BRINP3: variants seen among roughly 807,000 people sequenced by gnomAD.
The protein encoded by BRINP3 is BMP/retinoic acid inducible neural specific 3, also known as BMP/retinoic acid-inducible neural-specific protein 3.
Under a neutral mutation model 71.0 loss-of-function variants are expected in BRINP3, and 19 were observed. The ratio of observed to expected loss-of-function variants is 0.27; its 90% CI spans 0.19 to 0.39. The LOEUF is 0.39. BRINP3 is among the 10% of genes least tolerant of loss of function. BRINP3 has a pLI of 1.00. For missense variants in BRINP3, 959 were observed against 940.8 expected (o/e 1.02, Z -0.25); for synonymous variants, 380 against 337.7 (o/e 1.13, Z -1.37).
At chr1:190,117,436 A>G (rs1460235545) in intron 7 of BRINP3, among the ~76,000 whole-genome samples, 1 of 152,014 alleles carries the variant, frequency 6.6e-6, no homozygotes, top group Non-Finnish European at 1.5e-5. Context: ...AAACATACAC[A>G]AACAGTAGAG....
intron 2 of BRINP3, among the ~76,000 whole-genome samples, chr1:190,319,074 G>A (rs1054245699): frequency 2.0e-5 from 3 of 152,132 alleles, no homozygotes; most frequent in East Asian, 3.9e-4. Flanking sequence ...CTCAGACCTG[G>A]TTGTGCTTAT....
At chr1:190,244,337 C>T (rs1659382865) in intron 4 of BRINP3, among the ~76,000 whole-genome samples, 1 of 152,052 alleles carries the variant, frequency 6.6e-6, no homozygotes. Flanking sequence ...ATTCCTACTT[C>T]CTACTCTATA....
intron 7 of BRINP3, among the ~76,000 whole-genome samples, chr1:190,106,442 C>T (rs1378332302): frequency 6.6e-6 from 1 of 151,496 alleles, no homozygotes; most frequent in Non-Finnish European, 1.5e-5. Flanking sequence ...AAAATCTAAA[C>T]AATAAATTTT....
chr1:190,291,357 G>A (rs1418631219), intron 2 of BRINP3, among the ~76,000 whole-genome samples: 1 of 152,026 alleles, frequency 6.6e-6, no homozygotes, highest in East Asian at 1.9e-4. Context: ...AAAGTTAAAA[G>A]CTTCCAAACA....
At chr1:190,415,049 A>C (rs1216718127) in intron 2 of BRINP3, among the ~76,000 whole-genome samples, 1 of 152,212 alleles carries the variant, frequency 6.6e-6, no homozygotes, top group African/African-American at 2.4e-5. Flanking sequence ...ATTTATATAC[A>C]TAAATTGCAG....
intron 2 of BRINP3, among the ~76,000 whole-genome samples, chr1:190,443,894 A>G (rs780060298): frequency 6.6e-6 from 1 of 152,160 alleles, no homozygotes; most frequent in Non-Finnish European, 1.5e-5. Context: ...CATTCTTTCT[A>G]TAAACAGACC....
At position 190,222,302 on chromosome 1, in the gene BRINP3, C is replaced by T. The variant is rs565622985; in HGVS notation, c.961+3780G>A. On this transcript the variant is annotated intron_variant, in intron 6 of 7. Coordinates refer to ENST00000367462, the MANE Select transcript of BRINP3 (RefSeq NM_199051.3). ...CACAAACACATAGAAATAAAACATC[C>T]TACTGGACAGCTAATGAGTCAATTA... Among the ~76,000 whole-genome samples, 3 of 151,350 alleles carry T rather than the reference C, an allele frequency of 2.0e-5. 1 individual carries two copies. The highest frequency in any genetic ancestry group is 7.3e-5 in the African/African-American group (3 of 41,324).
At chr1:190,410,631 A>G (rs867703476) in intron 2 of BRINP3, among the ~76,000 whole-genome samples, 28 of 152,214 alleles carry the variant, frequency 1.8e-4, no homozygotes, top group African/African-American at 6.7e-4. Flanking sequence ...CAGGAACAAC[A>G]CATAGAATAA....
At chr1:190,365,882 T>A (rs1669468996) in intron 2 of BRINP3, among the ~76,000 whole-genome samples, 1 of 147,334 alleles carries the variant, frequency 6.8e-6, no homozygotes, top group Admixed American at 6.9e-5. Context: ...ATTTGAGAGA[T>A]AAGAAAAAAT....
chr1:190,383,807 T>A (rs751199405), intron 2 of BRINP3, among the ~76,000 whole-genome samples: 2 of 152,028 alleles, frequency 1.3e-5, no homozygotes, highest in Non-Finnish European at 2.9e-5. Flanking sequence ...ATATTAAATA[T>A]CATTGATAAT....
chr1:190,381,107 T>C (rs1357100297), intron 2 of BRINP3, among the ~76,000 whole-genome samples: 1 of 152,212 alleles, frequency 6.6e-6, no homozygotes, highest in Non-Finnish European at 1.5e-5. Flanking sequence ...GCCTCATCTC[T>C]CCCTATACCC....
intron 6 of BRINP3, among the ~76,000 whole-genome samples, chr1:190,187,618 C>G (rs1375462459): frequency 1.3e-5 from 2 of 152,116 alleles, no homozygotes; most frequent in African/African-American, 4.8e-5. Context: ...TTTCCCAACA[C>G]TATTTATTGA....
intron 2 of BRINP3, among the ~76,000 whole-genome samples, chr1:190,326,302 C>T (rs1666575356): frequency 6.6e-6 from 1 of 151,970 alleles, no homozygotes; most frequent in African/African-American, 2.4e-5. Context: ...GTGACCAAAG[C>T]AATGAATTAT....
chr1:190,176,850 T>C (rs1652553507), intron 6 of BRINP3, among the ~76,000 whole-genome samples: 2 of 152,164 alleles, frequency 1.3e-5, no homozygotes, highest in Admixed American at 1.3e-4. Context: ...CTTTTAACTC[T>C]GGAGAAATGA....
At chr1:190,128,901 A>C (rs1054281995) in intron 7 of BRINP3, among the ~76,000 whole-genome samples, 1 of 151,794 alleles carries the variant, frequency 6.6e-6, no homozygotes. Flanking sequence ...TAGATCAAAA[A>C]AGATCTTTAT....
chr1:190,405,602 A>G (rs764153485), intron 2 of BRINP3, among the ~76,000 whole-genome samples: 11 of 151,970 alleles, frequency 7.2e-5, no homozygotes, highest in Non-Finnish European at 1.5e-4. Context: ...GGCTTACCAT[A>G]TAAATTAGTG....
intron 2 of BRINP3, among the ~76,000 whole-genome samples, chr1:190,382,775 C>T (rs1176410002): frequency 6.6e-6 from 1 of 152,108 alleles, no homozygotes; most frequent in Non-Finnish European, 1.5e-5. Flanking sequence ...TTTGCCAAAG[C>T]CCAGTTCCAG....
intron 6 of BRINP3, among the ~76,000 whole-genome samples, chr1:190,217,391 T>C (rs577580065): frequency 7.9e-5 from 12 of 152,080 alleles, no homozygotes; most frequent in Non-Finnish European, 1.3e-4. Flanking sequence ...TTCTCAAAAC[T>C]ATTACATGTG....
chr1:190,268,994 T>C (rs1357625894), intron 3 of BRINP3, among the ~76,000 whole-genome samples: 3 of 152,122 alleles, frequency 2.0e-5, no homozygotes, highest in Non-Finnish European at 4.4e-5. Context: ...CAATGAATTG[T>C]AAGTGAAAAA....
Sources: gnomAD v4.1 joint callset for allele counts (sites outside exome capture counted in the v4.1 genomes callset) on GRCh38, gnomAD v4.1.1 for gene constraint, MANE v1.5 for transcripts, NCBI Gene and HGNC (gene_info 2026-07-23, HGNC 2026-07-21) for gene names.